Variants in CNTNAP2 observed in about 807,000 individuals in gnomAD.
CNTNAP2 encodes contactin associated protein 2, also known as contactin-associated protein-like 2.
A neutral mutation model predicts 155.2 loss-of-function variants in CNTNAP2; 98 were observed. That is an observed-to-expected ratio of 0.63 (90% confidence interval 0.54 to 0.75). CNTNAP2 has a LOEUF of 0.75. CNTNAP2 is among the 30% of genes least tolerant of loss of function. The pLI, the probability that CNTNAP2 is intolerant of heterozygous loss-of-function variation, is 0.00. For missense variants in CNTNAP2, 1,727 were observed against 1,688.1 expected, an observed-to-expected ratio of 1.02 and a Z score of -0.40; for synonymous variants, 651 against 631.2, an observed-to-expected ratio of 1.03 and a Z score of -0.47.
chr7:147,332,151 C>G (rs976075648), intron 9 of CNTNAP2, among the ~76,000 whole-genome samples: 1 of 152,040 alleles, frequency 6.6e-6, no homozygotes, highest in African/African-American at 2.4e-5. Flanking sequence ...ATGATCTTAC[C>G]TCACATTAAT....
intron 1 of CNTNAP2, among the ~76,000 whole-genome samples, chr7:146,384,617 G>T (rs982068758): frequency 3.3e-5 from 5 of 151,954 alleles, no homozygotes; most frequent in Non-Finnish European, 7.4e-5. Context: ...AAGTATCATT[G>T]TGTAATCTTA....
chr7:147,470,805 A>C (rs1798203706), intron 10 of CNTNAP2, among the ~76,000 whole-genome samples: 1 of 151,546 alleles, frequency 6.6e-6, no homozygotes, highest in Admixed American at 6.6e-5. Flanking sequence ...GGTGGAGGGC[A>C]GGTAATTTAG....
chr7:146,564,848 T>C (rs1798332918), intron 1 of CNTNAP2, among the ~76,000 whole-genome samples: 1 of 151,976 alleles, frequency 6.6e-6, no homozygotes, highest in African/African-American at 2.4e-5. Flanking sequence ...CATATATCAT[T>C]GAATTTGATA....
At chr7:147,224,763 G>C (rs1803482588) in intron 8 of CNTNAP2, among the ~76,000 whole-genome samples, 1 of 151,970 alleles carries the variant, frequency 6.6e-6, no homozygotes, top group Non-Finnish European at 1.5e-5. Flanking sequence ...CATTATCCAT[G>C]TTTCCCCCCT....
intron 3 of CNTNAP2, among the ~76,000 whole-genome samples, chr7:146,919,070 G>C (rs1050603716): frequency 6.6e-6 from 1 of 152,168 alleles, no homozygotes. Flanking sequence ...CTTCACTGGA[G>C]AGTTTTCCAT....
chr7:148,063,983 G>A (rs1803207024), intron 15 of CNTNAP2, among the ~76,000 whole-genome samples: 1 of 152,070 alleles, frequency 6.6e-6, no homozygotes, highest in African/African-American at 2.4e-5. Context: ...TTGTTGAAAA[G>A]GGTGTCCTTT....
intron 1 of CNTNAP2, among the ~76,000 whole-genome samples, chr7:146,260,730 T>A (rs2129081476): frequency 6.6e-6 from 1 of 152,344 alleles, no homozygotes; most frequent in Middle Eastern, 3.4e-3. Flanking sequence ...TGTTTTTTAT[T>A]TTAAAGGCTT....
At chr7:148,062,388 T>C (rs1803175418) in intron 15 of CNTNAP2, among the ~76,000 whole-genome samples, 1 of 152,032 alleles carries the variant, frequency 6.6e-6, no homozygotes, top group African/African-American at 2.4e-5. Context: ...TCTCAAAATA[T>C]ATAAAGCAAA....
intron 3 of CNTNAP2, among the ~76,000 whole-genome samples, chr7:146,921,061 G>T (rs867447520): frequency 1.3e-5 from 2 of 152,144 alleles, no homozygotes; most frequent in African/African-American, 4.8e-5. Flanking sequence ...ATGATTCCAT[G>T]AATATATCTT....
chr7:147,999,036 C>T (rs749991678), intron 15 of CNTNAP2, among the ~76,000 whole-genome samples: 1 of 152,162 alleles, frequency 6.6e-6, no homozygotes, highest in Non-Finnish European at 1.5e-5. Context: ...CATCCAACAA[C>T]GCTATACTGA....
At chr7:148,032,281 G>A (rs748880012) in intron 15 of CNTNAP2, among the ~76,000 whole-genome samples, 32 of 152,132 alleles carry the variant, frequency 2.1e-4, no homozygotes, top group Non-Finnish European at 4.4e-4. Context: ...GGGGCACTGG[G>A]GAACTAACAT....
intron 1 of CNTNAP2, among the ~76,000 whole-genome samples, chr7:146,533,135 A>G (rs1021300793): frequency 5.7e-5 from 8 of 139,454 alleles, no homozygotes; most frequent in African/African-American, 1.9e-4. Flanking sequence ...AAAAAAAAAA[A>G]GCTGAATCAT....
intron 14 of CNTNAP2, among the ~76,000 whole-genome samples, chr7:147,945,250 G>A (rs1433508448): frequency 6.6e-6 from 1 of 151,980 alleles, no homozygotes; most frequent in African/African-American, 2.4e-5. Context: ...AATGTGATGG[G>A]TATAAATATT....
At chr7:147,189,693 A>T (rs28646147) in intron 8 of CNTNAP2, among the ~76,000 whole-genome samples, 3 of 151,962 alleles carry the variant, frequency 2.0e-5, no homozygotes, top group African/African-American at 7.2e-5. Flanking sequence ...AAAATTTTTA[A>T]TCTTCTCCTT....
At chr7:147,468,044 G>A (rs912235201) in intron 10 of CNTNAP2, among the ~76,000 whole-genome samples, 4 of 151,970 alleles carry the variant, frequency 2.6e-5, no homozygotes, top group Admixed American at 1.3e-4. Flanking sequence ...AGAACTGTGG[G>A]AGGCCAAGGC....
At chr7:147,734,479 T>C (rs891221837) in intron 13 of CNTNAP2, among the ~76,000 whole-genome samples, 1 of 152,188 alleles carries the variant, frequency 6.6e-6, no homozygotes, top group African/African-American at 2.4e-5. Context: ...AAAATTCTCT[T>C]TTTTTGTTGT....
At chr7:147,975,539 A>G (rs1801414753) in intron 14 of CNTNAP2, among the ~76,000 whole-genome samples, 1 of 152,178 alleles carries the variant, frequency 6.6e-6, no homozygotes, top group African/African-American at 2.4e-5. Flanking sequence ...GGAAGGGTTA[A>G]ACAATGAGAG....
At chr7:148,175,607 G>T (rs1196778085) in intron 18 of CNTNAP2, among the ~76,000 whole-genome samples, 1 of 152,122 alleles carries the variant, frequency 6.6e-6, no homozygotes, top group Non-Finnish European at 1.5e-5. Flanking sequence ...CCTTGTTGGG[G>T]TCAGGTTGCA....
At chr7:146,336,556 T>C (rs1219460162) in intron 1 of CNTNAP2, among the ~76,000 whole-genome samples, 2 of 151,836 alleles carry the variant, frequency 1.3e-5, no homozygotes, top group African/African-American at 4.9e-5. Flanking sequence ...AAAACAGAAT[T>C]AATTGGACTT....
Sources: allele counts gnomAD v4.1 joint callset (sites outside exome capture counted in the v4.1 genomes callset), GRCh38; gene constraint gnomAD v4.1.1; transcripts MANE v1.5; gene names NCBI Gene and HGNC (gene_info 2026-07-23, HGNC 2026-07-21).